RBFOX1: variants seen among roughly 807,000 people sequenced by gnomAD.
The protein encoded by RBFOX1 is RNA binding protein fox-1 homolog 1.
In RBFOX1, 8 loss-of-function variants were observed where a neutral mutation model predicts 57.7. That is an observed-to-expected ratio of 0.14 (90% CI 0.08 to 0.25). The LOEUF (loss-of-function observed/expected upper bound fraction) is 0.25. RBFOX1 is among the 10% of genes least tolerant of loss of function. The pLI is 1.00. For synonymous variants in RBFOX1, 326 were observed against 222.4 expected (o/e 1.47, Z -4.15); for missense variants, 611 against 548.5 (o/e 1.11, Z -1.14).
intron 4 of RBFOX1, among the ~76,000 whole-genome samples, chr16:7,210,156 A>G (rs1479113754): frequency 6.6e-6 from 1 of 152,204 alleles, no homozygotes; most frequent in Non-Finnish European, 1.5e-5. Context: ...GATAATGATG[A>G]TGACAATGAT....
chr16:6,736,000 A>G (rs1400697776), intron 3 of RBFOX1, among the ~76,000 whole-genome samples: 1 of 406 alleles, frequency 2.5e-3, no homozygotes, highest in Non-Finnish European at 5.1e-3. Context: ...AAGGGTAATT[A>G]ACTTCTTCTT....
intron 3 of RBFOX1, among the ~76,000 whole-genome samples, chr16:6,982,706 G>C (rs73532917): frequency 1.3e-5 from 2 of 152,094 alleles, no homozygotes; most frequent in African/African-American, 4.8e-5. Context: ...GAAAGATGTG[G>C]AACTGGCCAG....
chr16:6,846,519 C>T (rs7498925), intron 3 of RBFOX1, among the ~76,000 whole-genome samples: 46,008 of 151,968 alleles, frequency 0.3, 7,553 homozygotes, highest in East Asian at 0.53. Flanking sequence ...AAATGTGTAA[C>T]ATACCAGACA....
Position 6,294,801 on chromosome 16 carries a change from A to G in RBFOX1, c.-126-22194A>G, listed in dbSNP as rs139903031. Among the ~76,000 whole-genome samples the G allele has an allele frequency of 7.2e-5, 11 of 152,310 alleles. No homozygotes were observed. In the East Asian group the frequency reaches 2.1e-3, roughly 29 times the overall value. Reference sequence around the variant, plus strand: ...CTCTTGTTTTGAGTCTCTGATGGAGAAAATAATGAGTAGCAACAGAATGCA... The same window carrying G: ...CTCTTGTTTTGAGTCTCTGATGGAGGAAATAATGAGTAGCAACAGAATGCA... On this transcript the variant is annotated intron_variant, in intron 1 of 15. Transcript: ENST00000550418.
At chr16:7,605,479 G>A (rs2095248875) in intron 9 of RBFOX1, among the ~76,000 whole-genome samples, 2 of 152,156 alleles carry the variant, frequency 1.3e-5, no homozygotes, top group African/African-American at 2.4e-5. Flanking sequence ...CCCGGGGGCT[G>A]TAAACCACCT....
chr16:6,988,731 ATT>A (rs111959126), intron 3 of RBFOX1, among the ~76,000 whole-genome samples: 1,570 of 91,310 alleles, frequency 0.017, 31 homozygotes, highest in African/African-American at 0.036. Context: ...CACCCAGCTA[ATT>A]TTTTTTTTTG....
At chr16:5,818,000 G>A (rs1444241933) in intron 3 of RBFOX1, among the ~76,000 whole-genome samples, 3 of 152,118 alleles carry the variant, frequency 2.0e-5, no homozygotes, top group Non-Finnish European at 4.4e-5. Flanking sequence ...AGGTCTTGTG[G>A]GCTGTATTAA....
chr16:5,851,543 A>G (rs2056897485), intron 3 of RBFOX1, among the ~76,000 whole-genome samples: 1 of 152,206 alleles, frequency 6.6e-6, no homozygotes, highest in Non-Finnish European at 1.5e-5. Context: ...AGGTAATAAG[A>G]AAAGCAAACG....
At chr16:6,303,147 G>C (rs1461335351) in intron 1 of RBFOX1, among the ~76,000 whole-genome samples, 2 of 152,178 alleles carry the variant, frequency 1.3e-5, no homozygotes, top group South Asian at 2.1e-4. Flanking sequence ...TTTCATTGTA[G>C]TTGTGAGACC....
At chr16:5,986,270 C>G (rs561040772) in intron 4 of RBFOX1, among the ~76,000 whole-genome samples, 1 of 152,194 alleles carries the variant, frequency 6.6e-6, no homozygotes, top group Non-Finnish European at 1.5e-5. Context: ...CACCAAGTTG[C>G]TCAGGCTGGT....
At position 7,360,650 on chromosome 16, in the gene RBFOX1, C is replaced by T. The variant is rs111722490; in HGVS notation, c.28-157497C>T. ...TTATCCCTCCCTATGATACAAAGTT[C>T]CTCTCCCTTGCTTGGAATGCCTGTG... On this transcript the variant is annotated intron_variant, in intron 4 of 15. Coordinates refer to ENST00000550418, the MANE Select transcript of RBFOX1 (RefSeq NM_018723.4). Among the ~76,000 whole-genome samples the T allele has an allele frequency of 4.6e-3, 699 of 152,298 alleles. 1 individual carries two copies. Among genetic ancestry groups the T allele is most frequent in the Non-Finnish European group, 8.0e-3 (544 of 68,008 alleles).
intron 1 of RBFOX1, among the ~76,000 whole-genome samples, chr16:5,240,808 T>C (rs1231883459): frequency 5.9e-5 from 9 of 152,278 alleles, no homozygotes; most frequent in African/African-American, 2.2e-4. Flanking sequence ...TGGGGCTCCG[T>C]GGCCAGCCTG....
intron 3 of RBFOX1, among the ~76,000 whole-genome samples, chr16:6,846,687 G>C (rs1368495149): frequency 6.6e-6 from 1 of 152,162 alleles, no homozygotes; most frequent in East Asian, 1.9e-4. Flanking sequence ...TTCATGAATG[G>C]TAACGTTCGC....
At chr16:5,861,471 A>G (rs1013975228) in intron 3 of RBFOX1, among the ~76,000 whole-genome samples, 14 of 152,152 alleles carry the variant, frequency 9.2e-5, no homozygotes, top group Non-Finnish European at 2.1e-4. Context: ...TTTCACTCTG[A>G]TTTTCTGAAT....
intron 4 of RBFOX1, among the ~76,000 whole-genome samples, chr16:5,930,871 T>A (rs957795401): frequency 2.9e-5 from 4 of 136,772 alleles, no homozygotes; most frequent in Admixed American, 7.6e-5. Context: ...GATGGATGTA[T>A]GGCTGGGTAG....
intron 5 of RBFOX1, among the ~76,000 whole-genome samples, chr16:7,530,250 G>A (rs138272992): frequency 6.6e-6 from 1 of 152,116 alleles, no homozygotes; most frequent in Non-Finnish European, 1.5e-5. Context: ...ATGTAAGGAT[G>A]TCCTAAGAGA....
intron 4 of RBFOX1, among the ~76,000 whole-genome samples, chr16:7,465,373 C>G (rs1210493666): frequency 1.3e-5 from 2 of 152,176 alleles, no homozygotes; most frequent in Non-Finnish European, 2.9e-5. Flanking sequence ...GAGACCTTGG[C>G]TGCTTCATTT....
At chr16:6,573,335 C>T (rs1281259172) in intron 2 of RBFOX1, among the ~76,000 whole-genome samples, 2 of 152,170 alleles carry the variant, frequency 1.3e-5, no homozygotes, top group East Asian at 3.9e-4. Flanking sequence ...CAGAGAAAGG[C>T]TTTCTCCTGC....
chr16:6,664,266 C>T (rs1457505015), intron 3 of RBFOX1, among the ~76,000 whole-genome samples: 1 of 152,142 alleles, frequency 6.6e-6, no homozygotes, highest in African/African-American at 2.4e-5. Flanking sequence ...TATGCAAATT[C>T]CCTAAAACTG....
Sources: gnomAD v4.1 joint callset for allele counts (sites outside exome capture counted in the v4.1 genomes callset) on GRCh38, gnomAD v4.1.1 for gene constraint, MANE v1.5 for transcripts, NCBI Gene and HGNC (gene_info 2026-07-23, HGNC 2026-07-21) for gene names.